AGAP1: variants seen among roughly 807,000 people sequenced by gnomAD.
AGAP1 encodes the protein ArfGAP with GTPase domain, ankyrin repeat and PH domain 1.
In AGAP1, 29 loss-of-function variants were observed where a neutral mutation model predicts 105.3. That is an observed-to-expected ratio of 0.28 (90% confidence interval 0.21 to 0.38). The LOEUF is 0.38. Among genes scored for constraint, AGAP1 ranks in the 10% least tolerant of loss-of-function variants. AGAP1 has a pLI of 1.00. For synonymous variants in AGAP1, 509 were observed against 485.9 expected (o/e 1.05, Z -0.63); for missense variants, 998 against 1,165.1 (o/e 0.86, Z 2.09).
chr2:236,069,416 A>G (rs943278644), intron 16 of AGAP1, among the ~76,000 whole-genome samples: 2 of 152,168 alleles, frequency 1.3e-5, no homozygotes, highest in African/African-American at 4.8e-5. Context: ...CACATGATAT[A>G]AACAGTGCAA....
chr2:235,949,655 C>G (rs1311919477), intron 12 of AGAP1, among the ~76,000 whole-genome samples: 1 of 152,214 alleles, frequency 6.6e-6, no homozygotes, highest in Admixed American at 6.5e-5. Flanking sequence ...TTATGAGCGC[C>G]ATGCTCTTTT....
chr2:235,542,776 C>T (rs541016707), intron 1 of AGAP1, among the ~76,000 whole-genome samples: 1 of 152,006 alleles, frequency 6.6e-6, no homozygotes, highest in Non-Finnish European at 1.5e-5. Context: ...ATTTTTGTGC[C>T]AAGCCATTTG....
In AGAP1 at chr2:236,120,062, G is replaced by A. The variant is rs181832947; in HGVS notation, c.2115-130G>A. The A allele has an allele frequency of 1.9e-3, 2,545 of 1,322,752 alleles. 4 individuals are homozygous for A. The highest frequency in any genetic ancestry group is 2.5e-3 in the Non-Finnish European group (2,378 of 967,048). 81.9% of individuals were successfully genotyped at this position (1,322,752 alleles called of 1,614,324 possible). A position where few individuals can be genotyped will look rare whatever the true frequency, so the allele number is the denominator to read the frequency against. ...AAACGTTTCCCCCAGGGGGCTTTGT[G>A]CCGAGTGAAGACCTTTGCTTTCTGT... On this transcript the variant is annotated intron_variant, in intron 16 of 17. Coordinates refer to ENST00000304032, the MANE Select transcript of AGAP1 (RefSeq NM_001037131.3). This position sits in a 1 kb window ranked among gnomAD's most constrained non-coding sequence, Gnocchi z 6.0.
At chr2:235,821,155 AT>A (rs1291855858) in intron 9 of AGAP1, among the ~76,000 whole-genome samples, 1 of 152,172 alleles carries the variant, frequency 6.6e-6, no homozygotes, top group Admixed American at 6.5e-5. Context: ...GGAGCTACAA[AT>A]TTTCAACAAG....
rs1420419377 is a variant in AGAP1, at chr2:235,620,358, C to T, written c.164-88821C>T. Among the ~76,000 whole-genome samples the T allele has an allele frequency of 6.6e-6, 1 of 152,174 alleles. No homozygotes were observed. The highest frequency in any genetic ancestry group is 1.5e-5 in the Non-Finnish European group (1 of 68,038). ...ACTTGCCCAGCAGCCAGGGGCATCC[C>T]TGAGAAGCCGGGTCAGAGTGTGATG... On this transcript the variant is annotated intron_variant, in intron 1 of 17. Transcript: ENST00000304032. This position sits in a 1 kb window ranked among gnomAD's most constrained non-coding sequence, Gnocchi z 4.5.
intron 12 of AGAP1, among the ~76,000 whole-genome samples, chr2:235,943,896 G>A (rs2053375303): frequency 6.6e-6 from 1 of 152,056 alleles, no homozygotes; most frequent in Admixed American, 6.6e-5. Flanking sequence ...AATATATCAT[G>A]TTACATCTTG....
At chr2:236,111,792 A>G (rs2059651524) in intron 16 of AGAP1, among the ~76,000 whole-genome samples, 1 of 44,444 alleles carries the variant, frequency 2.3e-5, no homozygotes. Context: ...TCTATCTCAA[A>G]AAAAAAAAAA....
chr2:235,918,554 C>T (rs945322015), intron 11 of AGAP1, among the ~76,000 whole-genome samples: 2 of 152,184 alleles, frequency 1.3e-5, no homozygotes, highest in African/African-American at 4.8e-5. Flanking sequence ...ATACATTGCT[C>T]CCACTGAGGT....
chr2:235,677,785 G>A (rs768417222), intron 1 of AGAP1, among the ~76,000 whole-genome samples: 3 of 151,618 alleles, frequency 2.0e-5, no homozygotes, highest in Admixed American at 6.6e-5. Flanking sequence ...TTTCTGATGC[G>A]GCTCCTGCCC....
Position 235,848,625 on chromosome 2 carries a change from A to G in AGAP1, c.1051-34720A>G, listed in dbSNP as rs538145686. ...TAATTTAGTTTGCTCGGAAGGTACTATTTTCAGAGTACTTTTACATTTTCC... is the reference window on the plus strand; with the variant it reads ...TAATTTAGTTTGCTCGGAAGGTACTGTTTTCAGAGTACTTTTACATTTTCC... On this transcript the variant is annotated intron_variant, in intron 9 of 17. Transcript: ENST00000304032. Among the ~76,000 whole-genome samples the G allele has an allele frequency of 2.6e-5, 4 of 152,314 alleles. No individual in the cohort carries two copies. In the East Asian group the frequency reaches 5.8e-4, roughly 22 times the overall value.
In AGAP1 at chr2:236,062,436, T is replaced by TTTGTTGTTGTTG. The variant is rs145991084; in HGVS notation, c.2114+13170_2114+13181dup. On this transcript the variant is annotated intron_variant, in intron 16 of 17. Transcript: ENST00000304032. The surrounding 1 kb of genome is among the most constrained non-coding windows in gnomAD (Gnocchi z 4.2). Reference sequence around the variant, plus strand: ...CTAGGAGCATACTCAGGACTCGTATTTTGTTGTTGTTGTTGTTGTTGTTGT... The same window carrying TTTGTTGTTGTTG: ...CTAGGAGCATACTCAGGACTCGTATTTTGTTGTTGTTGTTGTTGTTGTTGTTGTTGTTGTTGT... Among the ~76,000 whole-genome samples the TTTGTTGTTGTTG allele has an allele frequency of 1.6e-4, 24 of 151,022 alleles. No individual in the cohort carries two copies. The highest frequency in any genetic ancestry group is 5.9e-4 in the African/African-American group (24 of 40,944).
At chr2:236,103,358 C>G (rs1374308512) in intron 16 of AGAP1, among the ~76,000 whole-genome samples, 1 of 152,146 alleles carries the variant, frequency 6.6e-6, no homozygotes, top group Non-Finnish European at 1.5e-5. Context: ...ATGTTAGCCC[C>G]CAAGGGGGCA....
At chr2:235,509,479 C>G (rs1055320309) in intron 1 of AGAP1, among the ~76,000 whole-genome samples, 1 of 151,984 alleles carries the variant, frequency 6.6e-6, no homozygotes, top group African/African-American at 2.4e-5. Context: ...GTGATCCACC[C>G]TCCTCAGCCT....
At chr2:235,530,544 C>G (rs1574777933) in intron 1 of AGAP1, among the ~76,000 whole-genome samples, 1 of 152,272 alleles carries the variant, frequency 6.6e-6, no homozygotes, top group East Asian at 1.9e-4. Context: ...CTTGCTTTTT[C>G]CAGCTTCTAG....
chr2:235,527,526 A>G (rs1436286689), intron 1 of AGAP1, among the ~76,000 whole-genome samples: 2 of 152,110 alleles, frequency 1.3e-5, no homozygotes, highest in African/African-American at 4.8e-5. Flanking sequence ...GTGCACCATC[A>G]TGCCTGGCCA....
At position 235,515,854 on chromosome 2, in the gene AGAP1, G is replaced by A. The variant is rs1047200092; in HGVS notation, c.163+21005G>A. Among the ~76,000 whole-genome samples the A allele has an allele frequency of 5.3e-5, 8 of 152,174 alleles. No individual in the cohort carries two copies. The East Asian group carries it at 1.3e-3, about 26-fold the overall frequency. On this transcript the variant is annotated intron_variant, in intron 1 of 17. Transcript: ENST00000304032. The stretch of plus-strand genomic sequence containing the variant: ...TGGGCAAATGCTAGAGGATGGTGTT[G>A]CCTTTTGCATCTTGGTGGGAAAGAG...
At chr2:235,533,002 A>C (rs1031348103) in intron 1 of AGAP1, among the ~76,000 whole-genome samples, 1 of 152,206 alleles carries the variant, frequency 6.6e-6, no homozygotes, top group Admixed American at 6.5e-5. Context: ...AAGGGAAAAA[A>C]AAATCAATCA....
chr2:235,668,543 A>T (rs559410458), intron 1 of AGAP1, among the ~76,000 whole-genome samples: 6 of 152,292 alleles, frequency 3.9e-5, no homozygotes, highest in Admixed American at 2.0e-4. Flanking sequence ...ATGTGGTGTG[A>T]TTAGGGGACA....
rs2058952291 is a variant in AGAP1, at chr2:236,087,211, T to G, written c.2115-32981T>G. The stretch of plus-strand genomic sequence containing the variant: ...GAAAGTCTGTCCAGGCTAATGGAGC[T>G]GTGATTGACAGGCCTTCTCATTATG... On this transcript the variant is annotated intron_variant, in intron 16 of 17. Transcript: ENST00000304032. The surrounding 1 kb of genome is among the most constrained non-coding windows in gnomAD (Gnocchi z 5.7). Among the ~76,000 whole-genome samples, 1 of 151,886 alleles carries G rather than the reference T, an allele frequency of 6.6e-6. No homozygotes were observed. The highest frequency in any genetic ancestry group is 1.5e-5 in the Non-Finnish European group (1 of 68,010).
Sources: allele counts gnomAD v4.1 joint callset (sites outside exome capture counted in the v4.1 genomes callset), GRCh38; gene constraint gnomAD v4.1.1; non-coding constraint Gnocchi (gnomAD v3.1); transcripts MANE v1.5; gene names NCBI Gene and HGNC (gene_info 2026-07-23, HGNC 2026-07-21).